The following MYCBP2 variants were observed in gnomAD, a reference collection of about 807,000 sequenced individuals.
The protein encoded by MYCBP2 is MYC binding protein 2.
MYCBP2 carries 120 observed loss-of-function variants against 525.3 expected under a neutral mutation model. The observed-to-expected ratio is 0.23, with a 90% CI of 0.20 to 0.27. The LOEUF (loss-of-function observed/expected upper bound fraction) is 0.27, where lower values mean the gene tolerates loss of function less well. MYCBP2 is among the 10% of genes least tolerant of loss of function. The pLI is 1.00. For missense variants in MYCBP2, 4,149 were observed against 5,657.1 expected, an observed-to-expected ratio of 0.73 and a Z score of 8.55; for synonymous variants, 1,894 against 1,955.8, an observed-to-expected ratio of 0.97 and a Z score of 0.83.
chr13:77,323,274 G>GT (rs2081912959), intron 1 of MYCBP2, among the ~76,000 whole-genome samples: 1 of 152,218 alleles, frequency 6.6e-6, no homozygotes, highest in Non-Finnish European at 1.5e-5. Context: ...TTGTTAGACT[G>GT]TCATCAAAGT....
chr13:77,213,844 T>C (rs2064394117), intron 21 of MYCBP2, among the ~76,000 whole-genome samples: 1 of 152,198 alleles, frequency 6.6e-6, no homozygotes, highest in Admixed American at 6.5e-5. Context: ...CCTTCAGCAG[T>C]GGAAGGAGAC....
At chr13:77,150,683 A>G in intron 47 of MYCBP2, 51 bp downstream of exon 47, 1 of 1,493,310 alleles carries the variant, frequency 6.7e-7, no homozygotes, top group Non-Finnish European at 9.3e-7. Flanking sequence ...ATGTTGGTTA[A>G]ATAAACAAAT....
rs114879521 is a variant in MYCBP2, at chr13:77,292,136, T to C, written c.379-3760A>G. On this transcript the variant is annotated intron_variant, in intron 2 of 82. Coordinates refer to ENST00000544440, the MANE Select transcript of MYCBP2 (RefSeq NM_015057.5). ...AAAACTCACCTGAGCAAAAACAATATACACATTTCTCTGTAGTTCACTGCC... is the reference window on the plus strand; with the variant it reads ...AAAACTCACCTGAGCAAAAACAATACACACATTTCTCTGTAGTTCACTGCC... 8.7e-3 allele frequency among the ~76,000 whole-genome samples: 1,320 copies of C among 152,308 alleles called. 22 individuals are homozygous for C. The highest frequency in any genetic ancestry group is 0.03 in the African/African-American group (1,229 of 41,562).
intron 21 of MYCBP2, among the ~76,000 whole-genome samples, chr13:77,214,951 A>G (rs964474543): frequency 6.6e-6 from 1 of 152,208 alleles, no homozygotes; most frequent in African/African-American, 2.4e-5. Flanking sequence ...ATACATATAT[A>G]GGTATATATA....
chr13:77,125,194 T>G, intron 54 of MYCBP2, 142 bp downstream of exon 54: 1 of 1,019,480 alleles, frequency 9.8e-7, no homozygotes, highest in Non-Finnish European at 1.4e-6. Flanking sequence ...TTTTAACAGT[T>G]GCAAGATTTT....
chr13:77,206,936 G>C (rs957680031), intron 23 of MYCBP2, 111 bp from the exon 24 acceptor site: 4 of 897,746 alleles, frequency 4.5e-6, no homozygotes, highest in African/African-American at 3.4e-5. Context: ...TCAGCTTAAA[G>C]AGGACAAATG....
chr13:77,061,528 G>A lies in MYCBP2; in HGVS notation c.12903+134C>T, dbSNP rs765819273. ...AACTTGCTATTTATAGATGGTAAGCGAGACAGCTGTGAACTCAACCAAGGT... is the reference window on the plus strand; with the variant it reads ...AACTTGCTATTTATAGATGGTAAGCAAGACAGCTGTGAACTCAACCAAGGT... On this transcript the variant is annotated intron_variant, in intron 75 of 82. Coordinates refer to ENST00000544440, the MANE Select transcript of MYCBP2 (RefSeq NM_015057.5). The A allele has an allele frequency of 1.3e-4, 134 of 1,059,174 alleles. 1 individual carries two copies. Among genetic ancestry groups the A allele is most frequent in the Non-Finnish European group, 1.6e-4 (121 of 756,324 alleles). 65.6% of individuals were successfully genotyped at this position (1,059,174 alleles called of 1,614,324 possible).
At chr13:77,286,633 G>A (rs2076801625) in intron 3 of MYCBP2, among the ~76,000 whole-genome samples, 1 of 147,524 alleles carries the variant, frequency 6.8e-6, no homozygotes, top group South Asian at 2.2e-4. Context: ...GCAGGTGCCT[G>A]TAGTCCCAGC....
rs1329197237 is a variant in MYCBP2 at position 77,157,937 on chromosome 13, C to T, written c.6770G>A (p.Arg2257Lys). The T allele has an allele frequency of 1.9e-6, 3 of 1,608,900 alleles. No individual in the cohort carries two copies. The South Asian group carries it at 3.3e-5, about 18-fold the overall frequency. ...VPGSSGGRLARWLQPDSYADP... is the reference protein window; with the variant it reads ...VPGSSGGRLAKWLQPDSYADP... The stretch of plus-strand genomic sequence containing the variant: ...AGTAAGTAACTTAAAGTACATTTAC[C>T]TTGCAAGCCTTCCACCACTTGATCC... The change falls in exon 45 of 83, where the codon AGG (arginine) becomes AAG (lysine). Residue 2257 changes from arginine to lysine, a missense_variant and splice_region_variant. Around this residue, in one of 21 missense-constraint regions of MYCBP2, gnomAD observed 692 missense variants for 852.7 expected, o/e 0.81. Transcript: ENST00000544440.
intron 8 of MYCBP2, among the ~76,000 whole-genome samples, chr13:77,266,685 A>C (rs750399820): frequency 6.9e-5 from 10 of 145,626 alleles, no homozygotes; most frequent in Non-Finnish European, 1.5e-4. Context: ...AGTATTTTTT[A>C]ATATTATTGT....
rs554738824 is a variant in MYCBP2 at position 77,156,053 on chromosome 13, A to G, written c.6915+5T>C. The G allele has an allele frequency of 2.5e-6, 4 of 1,610,164 alleles. No individual in the cohort carries two copies. The South Asian group carries it at 3.3e-5, about 13-fold the overall frequency. On this transcript the variant is annotated splice_donor_5th_base_variant and intron_variant, in intron 46 of 82. Transcript: ENST00000544440. ...TGTCTGCTAATTTAATCCAGTTATA[A>G]TTACCTTCATATTGGGAACATGTAC... is the stretch of plus-strand genomic sequence containing the variant.
At chr13:77,132,750 C>G (rs1189467453) in intron 52 of MYCBP2, among the ~76,000 whole-genome samples, 2 of 152,122 alleles carry the variant, frequency 1.3e-5, no homozygotes, top group African/African-American at 4.8e-5. Context: ...CATCTCCTAT[C>G]ATAGAAGTAC....
chr13:77,269,980 A>T lies in MYCBP2; in HGVS notation c.1260+12T>A. The T allele has an allele frequency of 6.2e-7, 1 of 1,600,662 alleles. No homozygotes were observed. The highest frequency in any genetic ancestry group is 1.1e-5 in the South Asian group (1 of 87,614). On this transcript the variant is annotated intron_variant, in intron 7 of 82. Transcript: ENST00000544440. ...ATAAGAAAATTTTGGTTTATTGTGGATAGTTTCTTACCTGAGCATACCCTA... is the reference window on the plus strand; with the variant it reads ...ATAAGAAAATTTTGGTTTATTGTGGTTAGTTTCTTACCTGAGCATACCCTA...
intron 82 of MYCBP2, 55 bp from the exon 83 acceptor site, chr13:77,045,548 T>C: frequency 9.5e-7 from 1 of 1,051,200 alleles, no homozygotes; most frequent in South Asian, 1.4e-5. Flanking sequence ...TACACACATA[T>C]AAACCTCACA....
At chr13:77,077,107 A>G (rs1350509997) in intron 67 of MYCBP2, 41 bp downstream of exon 67, 14 of 1,585,500 alleles carry the variant, frequency 8.8e-6, no homozygotes, top group Non-Finnish European at 1.2e-5. Flanking sequence ...AATATATTAC[A>G]TCAATTATCC....
chr13:77,057,153 C>A, intron 78 of MYCBP2, 60 bp from the exon 79 acceptor site: 1 of 1,215,866 alleles, frequency 8.2e-7, no homozygotes, highest in South Asian at 1.2e-5. Context: ...AGTTGAGTGA[C>A]TGGGAGATTA....
chr13:77,292,958 CAAAAAAAAA>C (rs548135428), intron 2 of MYCBP2, among the ~76,000 whole-genome samples: 1 of 61,290 alleles, frequency 1.6e-5, no homozygotes, highest in African/African-American at 5.6e-5. Flanking sequence ...GACTCCGTCT[CAAAAAAAAA>C]AAAAAAAAAA....
chr13:77,286,619 G>T (rs770941482), intron 3 of MYCBP2, among the ~76,000 whole-genome samples: 1 of 148,128 alleles, frequency 6.8e-6, no homozygotes, highest in Non-Finnish European at 1.5e-5. Flanking sequence ...AGCCGGGCGC[G>T]GTGGCAGGTG....
chr13:77,222,703 TATG>T (rs1360891529), intron 20 of MYCBP2, among the ~76,000 whole-genome samples: 1 of 150,774 alleles, frequency 6.6e-6, no homozygotes, highest in African/African-American at 2.4e-5. Flanking sequence ...AGAATCCACA[TATG>T]ATATTTTTTC....
Sources: gnomAD v4.1 joint callset for allele counts (sites outside exome capture counted in the v4.1 genomes callset) on GRCh38, gnomAD v4.1.1 for gene constraint, gnomAD v4.1.1 regional missense constraint, MANE v1.5 for transcripts, NCBI Gene and HGNC (gene_info 2026-07-23, HGNC 2026-07-21) for gene names.